Variants in LPP observed in about 807,000 individuals in gnomAD.
LPP encodes the protein LIM domain containing preferred translocation partner in lipoma.
LPP carries 38 observed loss-of-function variants against 60.4 expected under a neutral mutation model. The observed-to-expected ratio is 0.63, with a 90% confidence interval of 0.49 to 0.83. The LOEUF is 0.83. Ranked by LOEUF, LPP falls within the 40% of genes least tolerant of loss-of-function variation. The pLI, the probability that LPP is intolerant of heterozygous loss-of-function variation, is 0.00. For missense variants in LPP, 902 were observed against 783.6 expected (o/e 1.15, Z -1.80); for synonymous variants, 328 against 290.8 (o/e 1.13, Z -1.30).
intron 6 of LPP, among the ~76,000 whole-genome samples, chr3:188,602,982 G>A (rs970714053): frequency 1.3e-5 from 2 of 150,824 alleles, no homozygotes; most frequent in Admixed American, 6.6e-5. Context: ...TGCACTACAG[G>A]TGACCTGCAG....
At chr3:188,259,219 A>G (rs2149666611) in intron 2 of LPP, among the ~76,000 whole-genome samples, 1 of 152,194 alleles carries the variant, frequency 6.6e-6, no homozygotes, top group East Asian at 1.9e-4. Context: ...AATGGCTTCC[A>G]TGGAGATAAT....
Position 188,449,801 on chromosome 3 carries a change from CTAT to C in LPP, c.194-34774_194-34772del, listed in dbSNP as rs548480999. Among the ~76,000 whole-genome samples, 24 of 151,652 alleles carry C rather than the reference CTAT, an allele frequency of 1.6e-4. No homozygotes were observed. In the East Asian group the frequency reaches 2.5e-3, roughly 16 times the overall value. ...TCAAAAATAAGTAACATTTATATTGCTATTATTATTATTATTATTTTGAGACAG... is the reference window on the plus strand; with the variant it reads ...TCAAAAATAAGTAACATTTATATTGCTATTATTATTATTATTTTGAGACAG... On this transcript the variant is annotated intron_variant, in intron 4 of 11. Coordinates refer to ENST00000617246, the MANE Select transcript of LPP (RefSeq NM_001375462.1).
intron 2 of LPP, among the ~76,000 whole-genome samples, chr3:188,265,417 A>AAGGAGACT (rs1735144493): frequency 6.6e-6 from 1 of 152,180 alleles, no homozygotes; most frequent in Admixed American, 6.5e-5. Flanking sequence ...TGGGTGCTAC[A>AAGGAGACT]AGGAGACTGG....
chr3:188,852,124 A>G (rs1762809704), intron 9 of LPP, among the ~76,000 whole-genome samples: 1 of 152,210 alleles, frequency 6.6e-6, no homozygotes, highest in Non-Finnish European at 1.5e-5. Flanking sequence ...AGATCATGCC[A>G]CTGCACTCCA....
At chr3:188,422,949 G>GTT (rs1195352805) in intron 4 of LPP, among the ~76,000 whole-genome samples, 1 of 150,748 alleles carries the variant, frequency 6.6e-6, no homozygotes, top group African/African-American at 2.4e-5. Flanking sequence ...GTGTGTGTGT[G>GTT]TGTGTGTGTT....
At chr3:188,565,688 A>T (rs1280821850) in intron 6 of LPP, among the ~76,000 whole-genome samples, 1 of 151,994 alleles carries the variant, frequency 6.6e-6, no homozygotes, top group African/African-American at 2.4e-5. Context: ...GATGTATATT[A>T]TATCTTATTA....
chr3:188,376,669 T>C (rs186887261), intron 3 of LPP, among the ~76,000 whole-genome samples: 6 of 152,310 alleles, frequency 3.9e-5, no homozygotes, highest in South Asian at 2.1e-4. Context: ...AATTTGCCAG[T>C]CTGTGTCTTT....
chr3:188,309,983 GAGA>G (rs1270685957), intron 2 of LPP, among the ~76,000 whole-genome samples: 2 of 151,688 alleles, frequency 1.3e-5, no homozygotes, highest in African/African-American at 4.8e-5. Flanking sequence ...TTCTTTAAAT[GAGA>G]ATTGATAATA....
At chr3:188,726,004 T>C (rs1718252964) in intron 8 of LPP, among the ~76,000 whole-genome samples, 1 of 152,114 alleles carries the variant, frequency 6.6e-6, no homozygotes, top group South Asian at 2.1e-4. Flanking sequence ...TGAGACTAAA[T>C]GAATGATTAG....
chr3:188,207,428 C>T (rs1035942726), intron 1 of LPP, among the ~76,000 whole-genome samples: 4 of 151,708 alleles, frequency 2.6e-5, no homozygotes, highest in African/African-American at 4.8e-5. Context: ...GATGGGGTTT[C>T]ACCAGGTTGG....
chr3:188,352,269 G>A lies in LPP; in HGVS notation c.-10+10550G>A, dbSNP rs576399455. On this transcript the variant is annotated intron_variant, in intron 3 of 11. Transcript: ENST00000617246. The surrounding 1 kb of genome is among the most constrained non-coding windows in gnomAD (Gnocchi z 4.4). ...TGGTATTAAGCAAGATGATATTAAC[G>A]AGGTTTGATTGCTGTTCTGAAATGT... Among the ~76,000 whole-genome samples, 2 of 152,174 alleles carry A rather than the reference G, an allele frequency of 1.3e-5. No homozygotes were observed. Among genetic ancestry groups the A allele is most frequent in the Non-Finnish European group, 2.9e-5 (2 of 68,040 alleles).
At chr3:188,431,321 C>T (rs553923204) in intron 4 of LPP, among the ~76,000 whole-genome samples, 3 of 152,010 alleles carry the variant, frequency 2.0e-5, no homozygotes, top group East Asian at 3.9e-4. Context: ...CTAGAGTCAC[C>T]GAGGGATTGG....
chr3:188,818,977 T>C (rs1753209160), intron 9 of LPP, among the ~76,000 whole-genome samples: 1 of 151,720 alleles, frequency 6.6e-6, no homozygotes, highest in Admixed American at 6.6e-5. Context: ...TTGATGATAA[T>C]TGAATGATTT....
At chr3:188,179,914 C>G (rs1246543055) in intron 1 of LPP, 2 of 202,874 alleles carry the variant, frequency 9.9e-6, no homozygotes, top group Non-Finnish European at 2.0e-5. Context: ...ACTTGTGAAG[C>G]AACATAGGGG....
Position 188,356,575 on chromosome 3 carries a change from C to G in LPP, c.-10+14856C>G, listed in dbSNP as rs1206453448. Among the ~76,000 whole-genome samples the G allele has an allele frequency of 3.3e-5, 5 of 152,278 alleles. 1 individual carries two copies. The South Asian group carries it at 1.0e-3, about 32-fold the overall frequency. ...AGAAAGGTTCTACTGCTTAACCTGC[C>G]TACCTGTTGGCATCACTGTCTTAAG... On this transcript the variant is annotated intron_variant, in intron 3 of 11. Transcript: ENST00000617246.
At position 188,182,763 on chromosome 3, in the gene LPP, T is replaced by TATGTGCATATATAATATATGTACA; in HGVS notation, c.-190+28511_-190+28512insATGTGCATATATAATATATGTACA. Among the ~76,000 whole-genome samples the TATGTGCATATATAATATATGTACA allele has an allele frequency of 7.1e-6, 1 of 139,888 alleles. No homozygotes were observed. The highest frequency in any genetic ancestry group is 1.5e-5 in the Non-Finnish European group (1 of 64,976). 91.8% of individuals were successfully genotyped at this position (139,888 alleles called of 152,430 possible). ...ATATATATACATATATGTACATATA[T>TATGTGCATATATAATATATGTACA]TATATATGTGCATATATAATATATG... On this transcript the variant is annotated intron_variant, in intron 1 of 11. Transcript: ENST00000617246. The surrounding 1 kb of genome is among the most constrained non-coding windows in gnomAD (Gnocchi z 4.4).
At chr3:188,546,598 T>G (rs1826722366) in intron 6 of LPP, among the ~76,000 whole-genome samples, 1 of 152,148 alleles carries the variant, frequency 6.6e-6, no homozygotes, top group Admixed American at 6.5e-5. Context: ...GTCTACGGAA[T>G]CTAGGGAAGG....
chr3:188,570,830 C>T (rs1194296148), intron 6 of LPP, among the ~76,000 whole-genome samples: 3 of 151,898 alleles, frequency 2.0e-5, no homozygotes, highest in Non-Finnish European at 4.4e-5. Flanking sequence ...TATACAGTCA[C>T]TCCCACTATA....
intron 3 of LPP, among the ~76,000 whole-genome samples, chr3:188,357,565 G>A (rs1767979163): frequency 6.6e-6 from 1 of 152,156 alleles, no homozygotes; most frequent in African/African-American, 2.4e-5. Flanking sequence ...GTTTAGGCTG[G>A]AGGTTGGAGA....
Sources: gnomAD v4.1 joint callset for allele counts (sites outside exome capture counted in the v4.1 genomes callset) on GRCh38, gnomAD v4.1.1 for gene constraint, Gnocchi (gnomAD v3.1) non-coding constraint, MANE v1.5 for transcripts, NCBI Gene and HGNC (gene_info 2026-07-23, HGNC 2026-07-21) for gene names.